KIAA1958: variants seen among roughly 807,000 people sequenced by gnomAD.
The protein encoded by KIAA1958 is uncharacterized protein KIAA1958.
A neutral mutation model predicts 47.2 loss-of-function variants in KIAA1958; 14 were observed. The observed-to-expected ratio is 0.30, with a 90% CI of 0.20 to 0.46. The LOEUF is 0.46. KIAA1958 is among the 20% of genes least tolerant of loss of function. The pLI, the probability that KIAA1958 is intolerant of heterozygous loss-of-function variation, is 1.00. For missense variants in KIAA1958, 803 were observed against 909.2 expected (o/e 0.88, Z 1.50); for synonymous variants, 354 against 353.3 (o/e 1.00, Z -0.02).
chr9:112,656,446 A>T (rs996551341), intron 3 of KIAA1958, among the ~76,000 whole-genome samples: 9 of 148,468 alleles, frequency 6.1e-5, no homozygotes, highest in African/African-American at 2.2e-4. Flanking sequence ...TTGTTTTGAG[A>T]GGTACCATAT....
rs567180089 is a variant in KIAA1958 at position 112,605,066 on chromosome 9, T to A, written c.1171+29815T>A. 1.7e-3 allele frequency among the ~76,000 whole-genome samples: 251 copies of A among 148,006 alleles called. 1 individual carries two copies. The highest frequency in any genetic ancestry group is 6.3e-3 in the South Asian group (30 of 4,776). On this transcript the variant is annotated intron_variant, in intron 2 of 3. Transcript: ENST00000337530. ...TTTTTATATATTTATATTATATATA[T>A]AAATTTGTATATATATATTTAGAGA... is the stretch of plus-strand genomic sequence containing the variant.
At chr9:112,537,133 T>C (rs1395710773) in intron 1 of KIAA1958, among the ~76,000 whole-genome samples, 2 of 150,418 alleles carry the variant, frequency 1.3e-5, no homozygotes, top group African/African-American at 4.9e-5. Context: ...TTTGACAGAG[T>C]CTCCCTTTGT....
intron 1 of KIAA1958, among the ~76,000 whole-genome samples, chr9:112,534,181 A>G (rs149993038): frequency 1.3e-5 from 2 of 152,316 alleles, no homozygotes; most frequent in African/African-American, 2.4e-5. Context: ...TGCCTAGCTC[A>G]TAGTAAGAGA....
At position 112,574,995 on chromosome 9, in the gene KIAA1958, G is replaced by C. The variant is rs138047248; in HGVS notation, c.915G>C (p.Gln305His). The C allele has an allele frequency of 1.9e-5, 31 of 1,614,030 alleles. No individual in the cohort carries two copies. In the African/African-American group the frequency reaches 4.1e-4, roughly 22 times the overall value. Reference protein sequence around the residue: ...GPPGTHGTNQQVAMQMPVSTS... With the variant: ...GPPGTHGTNQHVAMQMPVSTS... Reference sequence around the variant, plus strand: ...CTGGTACACATGGCACCAACCAACAGGTGGCCATGCAAATGCCTGTGAGCA... The same window carrying C: ...CTGGTACACATGGCACCAACCAACACGTGGCCATGCAAATGCCTGTGAGCA... Residue 305 changes from glutamine (Q) to histidine (H), a missense_variant, in exon 2 of 4, where the codon CAG becomes CAC. This residue lies in a region of KIAA1958 where 761 missense variants were observed against 829.3 expected (regional missense o/e 0.92). Transcript: ENST00000337530.
At position 112,590,998 on chromosome 9, in the gene KIAA1958, T is replaced by C. The variant is rs75012071; in HGVS notation, c.1171+15747T>C. Among the ~76,000 whole-genome samples, 762 of 152,342 alleles carry C rather than the reference T, an allele frequency of 5.0e-3. 6 individuals carry two copies. The highest frequency in any genetic ancestry group is 0.018 in the African/African-American group (729 of 41,590). On this transcript the variant is annotated intron_variant, in intron 2 of 3. Coordinates refer to ENST00000337530, the MANE Select transcript of KIAA1958 (RefSeq NM_133465.4). ...ATATCTAAGAACTCTGCTCTGTTAC[T>C]CCTGGTGGTGATAAGGAAAAGAAGG...
chr9:112,502,966 A>C (rs1048360530), intron 1 of KIAA1958, among the ~76,000 whole-genome samples: 1 of 152,382 alleles, frequency 6.6e-6, no homozygotes, highest in African/African-American at 2.4e-5. Context: ...TAACCAACAA[A>C]TATCTAATGG....
chr9:112,645,900 A>G (rs968947221), intron 3 of KIAA1958, 78 bp downstream of exon 3: 4 of 1,279,564 alleles, frequency 3.1e-6, no homozygotes, highest in South Asian at 1.6e-5. Flanking sequence ...TAAGCATTGT[A>G]GGGAACACAG....
chr9:112,530,396 G>C (rs1588004159), intron 1 of KIAA1958, among the ~76,000 whole-genome samples: 1 of 151,964 alleles, frequency 6.6e-6, no homozygotes, highest in Admixed American at 6.6e-5. Context: ...CTTATTTTCT[G>C]GTACTATTAG....
chr9:112,655,395 CA>C (rs1837132134), intron 3 of KIAA1958, among the ~76,000 whole-genome samples: 2 of 152,284 alleles, frequency 1.3e-5, no homozygotes, highest in Admixed American at 1.3e-4. Flanking sequence ...ATTCATCCAA[CA>C]AAAACTTATG....
At chr9:112,630,373 A>G (rs1836688973) in intron 2 of KIAA1958, among the ~76,000 whole-genome samples, 1 of 152,224 alleles carries the variant, frequency 6.6e-6, no homozygotes, top group African/African-American at 2.4e-5. Flanking sequence ...GGCCGGGCAC[A>G]GTGGCAAATG....
At chr9:112,568,759 G>A (rs1020413677) in intron 1 of KIAA1958, among the ~76,000 whole-genome samples, 22 of 150,748 alleles carry the variant, frequency 1.5e-4, no homozygotes, top group Admixed American at 3.3e-4. Flanking sequence ...GTGGTGGTGC[G>A]CACCTGTGGT....
chr9:112,585,910 A>G (rs571178158), intron 2 of KIAA1958, among the ~76,000 whole-genome samples: 4 of 152,318 alleles, frequency 2.6e-5, no homozygotes, highest in African/African-American at 7.2e-5. Flanking sequence ...GAAGCATGTA[A>G]TGATCATCCA....
chr9:112,623,097 A>AT (rs1200843010), intron 2 of KIAA1958, among the ~76,000 whole-genome samples: 5 of 152,108 alleles, frequency 3.3e-5, no homozygotes, highest in African/African-American at 7.2e-5. Flanking sequence ...TGCTTTGAGT[A>AT]TTTTCTGGAG....
At chr9:112,556,623 C>CT (rs1354076627) in intron 1 of KIAA1958, among the ~76,000 whole-genome samples, 1 of 152,228 alleles carries the variant, frequency 6.6e-6, no homozygotes, top group Non-Finnish European at 1.5e-5. Context: ...GCGTGAGCCA[C>CT]TGAGTCCAGC....
At chr9:112,585,472 G>A (rs920349549) in intron 2 of KIAA1958, among the ~76,000 whole-genome samples, 3 of 152,198 alleles carry the variant, frequency 2.0e-5, no homozygotes, top group Non-Finnish European at 4.4e-5. Context: ...TGGAAAGATG[G>A]GCTGGAAAGC....
Position 112,575,216 on chromosome 9 carries a change from C to A in KIAA1958, c.1136C>A (p.Ala379Asp). The stretch of plus-strand genomic sequence containing the variant: ...CAGCAGCAGCCCCCAGTCGCTCCAG[C>A]CATAACCACTGAGGCCACAGCACAG... ...SSQQQPPVAP[A>D]ITTEATAQCI... is the part of the protein sequence containing the mutation. The change falls in exon 2 of 4, where the codon GCC (alanine) becomes GAC (aspartate). Residue 379 changes from alanine to aspartate, a missense_variant. By Grantham distance (126) the Ala-to-Asp change is moderately radical. Coordinates refer to ENST00000337530, the MANE Select transcript of KIAA1958 (RefSeq NM_133465.4). 1 of 1,573,406 alleles carries A rather than the reference C, an allele frequency of 6.4e-7. No homozygotes were observed. The highest frequency in any genetic ancestry group is 8.6e-7 in the Non-Finnish European group (1 of 1,167,064).
chr9:112,621,789 C>T lies in KIAA1958; in HGVS notation c.1172-23861C>T, dbSNP rs575814610. On this transcript the variant is annotated intron_variant, in intron 2 of 3. Coordinates refer to ENST00000337530, the MANE Select transcript of KIAA1958 (RefSeq NM_133465.4). The stretch of plus-strand genomic sequence containing the variant: ...ACAGAGACAGGGTCTTGCTCTGTCA[C>T]CCAGGCTGGAGTGCAGAGGTGCAGT... 3.3e-5 allele frequency among the ~76,000 whole-genome samples: 5 copies of T among 152,232 alleles called. No homozygotes were observed. In the East Asian group the frequency reaches 5.8e-4, roughly 18 times the overall value.
At chr9:112,540,679 T>G (rs1834925729) in intron 1 of KIAA1958, among the ~76,000 whole-genome samples, 1 of 152,010 alleles carries the variant, frequency 6.6e-6, no homozygotes, top group Admixed American at 6.6e-5. Context: ...TTGTTTAAGT[T>G]AAATTTCTAG....
chr9:112,490,079 A>T (rs779908686), intron 1 of KIAA1958, among the ~76,000 whole-genome samples: 1 of 152,176 alleles, frequency 6.6e-6, no homozygotes, highest in Non-Finnish European at 1.5e-5. Flanking sequence ...TTTTATCATC[A>T]TCCTGCATTG....
Sources: allele counts gnomAD v4.1 joint callset (sites outside exome capture counted in the v4.1 genomes callset), GRCh38; gene constraint gnomAD v4.1.1; regional missense constraint gnomAD v4.1.1; transcripts MANE v1.5; gene names NCBI Gene and HGNC (gene_info 2026-07-23, HGNC 2026-07-21).